PTPRK: variants seen among roughly 807,000 people sequenced by gnomAD.
The protein encoded by PTPRK is protein tyrosine phosphatase receptor type K.
Under a neutral mutation model 178.0 loss-of-function variants are expected in PTPRK, and 75 were observed. The observed-to-expected ratio is 0.42, with a 90% confidence interval of 0.35 to 0.51. The LOEUF (loss-of-function observed/expected upper bound fraction) is 0.51, where lower values mean the gene tolerates loss of function less well. Among genes scored for constraint, PTPRK ranks in the 20% least tolerant of loss-of-function variants. The pLI, the probability that PTPRK is intolerant of heterozygous loss-of-function variation, is 0.02. For synonymous variants in PTPRK, 637 were observed against 620.6 expected, an observed-to-expected ratio of 1.03 and a Z score of -0.39; for missense variants, 1,441 against 1,797.8, an observed-to-expected ratio of 0.80 and a Z score of 3.59.
chr6:128,173,129 G>C (rs1800551030), intron 7 of PTPRK, among the ~76,000 whole-genome samples: 1 of 152,012 alleles, frequency 6.6e-6, no homozygotes, highest in African/African-American at 2.4e-5. Flanking sequence ...TCTGCCCTTA[G>C]CATAATGCTC....
intron 1 of PTPRK, among the ~76,000 whole-genome samples, chr6:128,400,058 C>A (rs1840822146): frequency 6.6e-6 from 1 of 151,816 alleles, no homozygotes. Flanking sequence ...AGGTTAAGGG[C>A]AAATACAGTA....
intron 5 of PTPRK, among the ~76,000 whole-genome samples, chr6:128,221,089 CA>C (rs1455904617): frequency 6.6e-6 from 1 of 152,042 alleles, no homozygotes; most frequent in Non-Finnish European, 1.5e-5. Flanking sequence ...TGACATGAGA[CA>C]AAAATATAAA....
At chr6:128,084,127 G>T (rs1052286178) in intron 8 of PTPRK, among the ~76,000 whole-genome samples, 12 of 152,138 alleles carry the variant, frequency 7.9e-5, no homozygotes, top group African/African-American at 2.9e-4. Context: ...TTCCTCTGTT[G>T]TATACCTCTA....
chr6:128,067,795 TTGGGG>T lies in PTPRK; in HGVS notation c.1884-8_1884-4del. On this transcript the variant is annotated splice_polypyrimidine_tract_variant and splice_region_variant and intron_variant, in intron 11 of 29. Coordinates refer to ENST00000368226, the MANE Select transcript of PTPRK (RefSeq NM_002844.4). ...CTTCCACAACAATCTGATAAGCACT[TTGGGG>T]AAAAGAAAAAAAGAACACACATATA... The T allele has an allele frequency of 1.9e-6, 3 of 1,574,616 alleles. No homozygotes were observed. Among genetic ancestry groups the T allele is most frequent in the Admixed American group, 3.7e-5 (2 of 54,216 alleles).
intron 1 of PTPRK, among the ~76,000 whole-genome samples, chr6:128,502,783 T>C (rs1260728552): frequency 6.6e-6 from 1 of 152,240 alleles, no homozygotes; most frequent in Non-Finnish European, 1.5e-5. Flanking sequence ...TTGCAGGATA[T>C]TTACTTCTCT....
intron 1 of PTPRK, among the ~76,000 whole-genome samples, chr6:128,507,402 G>C (rs1478775671): frequency 4.6e-5 from 7 of 152,142 alleles, no homozygotes; most frequent in Admixed American, 1.3e-4. Context: ...CCTCTTTTAA[G>C]ACAGAAGTTC....
intron 2 of PTPRK, among the ~76,000 whole-genome samples, chr6:128,336,386 A>T (rs2128328399): frequency 6.6e-6 from 1 of 152,318 alleles, no homozygotes; most frequent in African/African-American, 2.4e-5. Flanking sequence ...AATAAAAAAT[A>T]ACTTCAGCCA....
At chr6:128,414,511 C>A (rs1018213497) in intron 1 of PTPRK, among the ~76,000 whole-genome samples, 5 of 152,240 alleles carry the variant, frequency 3.3e-5, no homozygotes, top group African/African-American at 7.2e-5. Context: ...AAGAGAGCAG[C>A]TATTGTATAT....
At chr6:128,131,848 T>C (rs905181366) in intron 7 of PTPRK, among the ~76,000 whole-genome samples, 1 of 152,200 alleles carries the variant, frequency 6.6e-6, no homozygotes, top group Admixed American at 6.5e-5. Context: ...GTAACATAAA[T>C]TGAAAGTTGA....
chr6:128,518,411 A>G (rs1276900764), intron 1 of PTPRK, among the ~76,000 whole-genome samples: 1 of 152,248 alleles, frequency 6.6e-6, no homozygotes, highest in Non-Finnish European at 1.5e-5. Flanking sequence ...AAGGGTAAAT[A>G]ACATTTAAAA....
At chr6:128,242,409 A>AGTTTTAAG in intron 4 of PTPRK, 112 bp downstream of exon 4, 1 of 1,388,830 alleles carries the variant, frequency 7.2e-7, no homozygotes, top group Admixed American at 2.7e-5. Context: ...GCTAGGACTA[A>AGTTTTAAG]CAATAACAAG....
chr6:128,029,055 T>C (rs891965575), intron 13 of PTPRK, among the ~76,000 whole-genome samples: 3 of 152,176 alleles, frequency 2.0e-5, no homozygotes, highest in Non-Finnish European at 4.4e-5. Flanking sequence ...CCAAATCTCA[T>C]GCTGAGATGT....
intron 7 of PTPRK, among the ~76,000 whole-genome samples, chr6:128,099,394 C>T (rs1042935414): frequency 5.3e-5 from 8 of 151,790 alleles, no homozygotes; most frequent in Admixed American, 1.3e-4. Context: ...GAGACTATCT[C>T]GTGACATGGA....
chr6:128,144,064 T>C (rs2114523307), intron 7 of PTPRK, among the ~76,000 whole-genome samples: 1 of 152,272 alleles, frequency 6.6e-6, no homozygotes, highest in South Asian at 2.1e-4. Flanking sequence ...CCAGCTTGAT[T>C]CTTTTTGCAT....
chr6:128,240,825 T>C (rs1032942043), intron 4 of PTPRK, among the ~76,000 whole-genome samples: 1 of 152,318 alleles, frequency 6.6e-6, no homozygotes, highest in South Asian at 2.1e-4. Context: ...TAAGTAAGAT[T>C]TATGACTGAC....
chr6:128,249,837 GA>G (rs374139952), intron 3 of PTPRK, among the ~76,000 whole-genome samples: 5 of 151,104 alleles, frequency 3.3e-5, no homozygotes, highest in African/African-American at 9.7e-5. Flanking sequence ...GTGGTTGAAA[GA>G]AAAAAAAACT....
At chr6:128,460,878 T>A (rs1381611371) in intron 1 of PTPRK, among the ~76,000 whole-genome samples, 1 of 152,226 alleles carries the variant, frequency 6.6e-6, no homozygotes, top group Admixed American at 6.5e-5. Context: ...TATTTATATA[T>A]TTATTTTGAA....
chr6:128,445,227 ATATAATAGTATAAATAC>A (rs1277184688), intron 1 of PTPRK, among the ~76,000 whole-genome samples: 20 of 146,950 alleles, frequency 1.4e-4, no homozygotes, highest in African/African-American at 4.2e-4. Context: ...TATAATTTAT[ATATAATAGTATAAATAC>A]TATATATAAT....
intron 2 of PTPRK, among the ~76,000 whole-genome samples, chr6:128,347,491 T>C (rs1832576393): frequency 6.6e-6 from 1 of 152,140 alleles, no homozygotes; most frequent in African/African-American, 2.4e-5. Context: ...CAATGTGATA[T>C]GTTGATTTTT....
Sources: gnomAD v4.1 joint callset for allele counts (sites outside exome capture counted in the v4.1 genomes callset) on GRCh38, gnomAD v4.1.1 for gene constraint, MANE v1.5 for transcripts, NCBI Gene and HGNC (gene_info 2026-07-23, HGNC 2026-07-21) for gene names.